The following PDXDC1 variants were observed in gnomAD, a reference collection of about 807,000 sequenced individuals.
The protein encoded by PDXDC1 is pyridoxal-dependent decarboxylase domain-containing protein 1.
In PDXDC1, 42 loss-of-function variants were observed where a neutral mutation model predicts 100.1. The ratio of observed to expected loss-of-function variants is 0.42; its 90% CI spans 0.33 to 0.54. PDXDC1 has a LOEUF of 0.54. PDXDC1 is among the 20% of genes least tolerant of loss of function. PDXDC1 has a pLI of 0.10. For synonymous variants in PDXDC1, 260 were observed against 371.7 expected (o/e 0.70, Z 3.46); for missense variants, 636 against 979.2 (o/e 0.65, Z 4.68).
intron 16 of PDXDC1, among the ~76,000 whole-genome samples, chr16:15,081,627 T>G (rs2045706775): frequency 6.6e-6 from 1 of 152,228 alleles, no homozygotes; most frequent in South Asian, 2.1e-4. Context: ...TATTTGGGGA[T>G]CCTTTTCATC....
intron 6 of PDXDC1, 89 bp from the exon 7 acceptor site, chr16:15,008,690 C>G (rs1458043421): frequency 3.4e-6 from 4 of 1,190,974 alleles, no homozygotes; most frequent in Admixed American, 4.2e-5. Flanking sequence ...GAAGAATAAT[C>G]GTGTCTTGTC....
chr16:14,987,479 G>A (rs1969644805), intron 1 of PDXDC1, among the ~76,000 whole-genome samples: 2 of 152,418 alleles, frequency 1.3e-5, no homozygotes, highest in South Asian at 4.1e-4. Flanking sequence ...AAGCAACCCA[G>A]TAAGTATTAG....
Position 15,092,223 on chromosome 16 carries a change from C to T in PDXDC1, c.1400-46656C>T, listed in dbSNP as rs11859846. Among the ~76,000 whole-genome samples the T allele has an allele frequency of 9.4e-3, 1,431 of 152,150 alleles. 25 individuals are homozygous for T. The highest frequency in any genetic ancestry group is 0.031 in the African/African-American group (1,293 of 41,512). Reference sequence around the variant, plus strand: ...ATGGTGTAATTGTTTTTAATTCTGGCACTTGCTAAAGTTAAAAGATGCTTC... The same window carrying T: ...ATGGTGTAATTGTTTTTAATTCTGGTACTTGCTAAAGTTAAAAGATGCTTC... On this transcript the variant is annotated intron_variant, in intron 16 of 16. Transcript: ENST00000535621.
At chr16:14,980,220 A>C (rs1161929912) in intron 1 of PDXDC1, among the ~76,000 whole-genome samples, 1 of 152,292 alleles carries the variant, frequency 6.6e-6, no homozygotes, top group South Asian at 2.1e-4. Context: ...TATATCTAGG[A>C]TTATATGAGT....
intron 16 of PDXDC1, among the ~76,000 whole-genome samples, chr16:15,070,427 C>T (rs536998513): frequency 4.0e-5 from 6 of 151,538 alleles, no homozygotes; most frequent in Non-Finnish European, 5.9e-5. Flanking sequence ...AGGATGGGTG[C>T]GTAGGAAGAC....
intron 16 of PDXDC1, chr16:15,133,345 A>G: frequency 1.7e-6 from 2 of 1,171,090 alleles, no homozygotes; most frequent in Non-Finnish European, 2.5e-6. Context: ...CCGGGAGCAC[A>G]CTAGCGGTGA....
Position 14,975,279 on chromosome 16 carries a change from G to T in PDXDC1, c.21+59G>T. The T allele has an allele frequency of 2.9e-6, 4 of 1,381,174 alleles. No homozygotes were observed. In the South Asian group the frequency reaches 7.3e-5, roughly 25 times the overall value. 85.6% of individuals were successfully genotyped at this position (1,381,174 alleles called of 1,614,324 possible). A position where few individuals can be genotyped will look rare whatever the true frequency, so the allele number is the denominator to read the frequency against. ...TGCGGCCCGGGGCTCCCGCTTCCGA[G>T]GCAACTGTTTCCCAGTCGCGAGCTG... On this transcript the variant is annotated intron_variant, in intron 1 of 22. Coordinates refer to ENST00000396410, the MANE Select transcript of PDXDC1 (RefSeq NM_015027.4).
chr16:15,054,574 G>A (rs1484784064), intron 16 of PDXDC1, among the ~76,000 whole-genome samples: 2 of 152,196 alleles, frequency 1.3e-5, no homozygotes, highest in Non-Finnish European at 2.9e-5. Flanking sequence ...CTAGCTCGGT[G>A]CATGTTGGCT....
At chr16:15,097,504 T>C (rs1311232329) in intron 16 of PDXDC1, among the ~76,000 whole-genome samples, 2 of 134,848 alleles carry the variant, frequency 1.5e-5, no homozygotes, top group East Asian at 4.4e-4. Flanking sequence ...GTGCCGGGCG[T>C]GGTGGCAGGC....
At chr16:15,002,972 C>T (rs1324579446) in intron 4 of PDXDC1, among the ~76,000 whole-genome samples, 11 of 152,250 alleles carry the variant, frequency 7.2e-5, no homozygotes, top group Non-Finnish European at 1.5e-4. Flanking sequence ...TTTCTAGGAA[C>T]TGTCTGTTGC....
At chr16:15,101,226 A>T (rs1353793140) in intron 16 of PDXDC1, among the ~76,000 whole-genome samples, 1 of 152,238 alleles carries the variant, frequency 6.6e-6, no homozygotes, top group African/African-American at 2.4e-5. Flanking sequence ...TTTTCCTGTA[A>T]ATATGAAATA....
At chr16:14,992,696 T>C (rs1460051548) in intron 1 of PDXDC1, among the ~76,000 whole-genome samples, 2 of 152,414 alleles carry the variant, frequency 1.3e-5, no homozygotes, top group Non-Finnish European at 2.9e-5. Flanking sequence ...TGTGATATAA[T>C]AGAGGTCAGA....
intron 16 of PDXDC1, chr16:15,131,109 C>T (rs1394991172): frequency 2.5e-6 from 4 of 1,607,312 alleles, no homozygotes; most frequent in Admixed American, 1.7e-5. Context: ...TATAGTTGAG[C>T]TGCAGATGCA....
chr16:14,990,244 T>G, intron 1 of PDXDC1: 5 of 766,182 alleles, frequency 6.5e-6, no homozygotes, highest in Non-Finnish European at 6.3e-6. Context: ...CGTGCCTCAC[T>G]GCCCGGCCCA....
chr16:15,079,859 A>C, intron 16 of PDXDC1: 1 of 966,930 alleles, frequency 1.0e-6, no homozygotes, highest in Non-Finnish European at 1.5e-6. Context: ...GGCCTCCCAA[A>C]GTGCTGGGAA....
chr16:15,141,495 C>T (rs572646010), downstream of PDXDC1, among the ~76,000 whole-genome samples: 154 of 152,316 alleles, frequency 1.0e-3, no homozygotes, highest in Non-Finnish European at 2.0e-3. Flanking sequence ...GGGTGCAGTT[C>T]CCTTCCCCCA....
intron 16 of PDXDC1, chr16:15,071,328 A>G: frequency 7.2e-7 from 1 of 1,387,636 alleles, no homozygotes; most frequent in Non-Finnish European, 9.8e-7. Flanking sequence ...CAAGATTTTT[A>G]CTTCACCAAT....
At chr16:15,094,721 T>G (rs2046292222) in intron 16 of PDXDC1, 1 of 164,132 alleles carries the variant, frequency 6.1e-6, no homozygotes, top group South Asian at 1.5e-4. Context: ...AACGTTATCC[T>G]CACGGAAACG....
intron 16 of PDXDC1, among the ~76,000 whole-genome samples, chr16:15,080,942 AT>A (rs2045675837): frequency 6.6e-6 from 1 of 151,964 alleles, no homozygotes; most frequent in Non-Finnish European, 1.5e-5. Flanking sequence ...AGTTTGTGGC[AT>A]GTTTTTAGGG....
Sources: gnomAD v4.1 joint callset for allele counts (sites outside exome capture counted in the v4.1 genomes callset) on GRCh38, gnomAD v4.1.1 for gene constraint, MANE v1.5 for transcripts, NCBI Gene and HGNC (gene_info 2026-07-23, HGNC 2026-07-21) for gene names.